DCHS2: variants seen among roughly 807,000 people sequenced by gnomAD.
The protein encoded by DCHS2 is dachsous cadherin-related 2, also known as protocadherin-23.
In DCHS2, 142 loss-of-function variants were observed where a neutral mutation model predicts 182.4. That is an observed-to-expected ratio of 0.78 (90% CI 0.68 to 0.89). DCHS2 has a LOEUF of 0.89. Ranked by LOEUF, DCHS2 falls within the 40% of genes least tolerant of loss-of-function variation. The pLI is 0.00. For synonymous variants in DCHS2, 1,740 were observed against 1,663.3 expected (o/e 1.05, Z -1.12); for missense variants, 4,319 against 4,198.6 (o/e 1.03, Z -0.79).
In DCHS2 at chr4:154,235,887, G is replaced by A. The variant is rs772019908; in HGVS notation, c.8765C>T (p.Ser2922Leu). The A allele has an allele frequency of 6.2e-7, 1 of 1,614,052 alleles. No individual in the cohort carries two copies. The stretch of plus-strand genomic sequence containing the variant: ...TTTATTTACTGAAAAGAAAGGAGAT[G>A]AGGTTCCAAGGGAGTAAAGAATGAC... The part of the protein sequence containing the change: ...DGVILYSLGT[S>L]SPFFSVNKTN... Residue 2922 changes from serine to leucine, a missense_variant, in exon 20 of 20, where the codon TCA becomes TTA. Coordinates refer to ENST00000357232, the MANE Select transcript of DCHS2 (RefSeq NM_001358235.2).
intron 13 of DCHS2, 91 bp from the exon 14 acceptor site, chr4:154,270,104 A>G: frequency 7.0e-7 from 1 of 1,436,726 alleles, no homozygotes; most frequent in Non-Finnish European, 9.3e-7. Flanking sequence ...TTATTTGCCT[A>G]CTATGTTTTC....
chr4:154,334,782 A>T, intron 4 of DCHS2, 86 bp downstream of exon 4: 1 of 1,123,590 alleles, frequency 8.9e-7, no homozygotes, highest in South Asian at 1.4e-5. Flanking sequence ...AAGAAGAAAA[A>T]AATTATTCAA....
At chr4:154,401,429 A>G (rs1263559260) in intron 1 of DCHS2, among the ~76,000 whole-genome samples, 1 of 152,182 alleles carries the variant, frequency 6.6e-6, no homozygotes, top group Admixed American at 6.5e-5. Flanking sequence ...TCTAACTGCT[A>G]CAGAAACTAC....
intron 15 of DCHS2, 83 bp downstream of exon 15, chr4:154,259,462 T>A (rs1376808503): frequency 1.3e-6 from 2 of 1,549,346 alleles, no homozygotes; most frequent in Admixed American, 3.5e-5. Context: ...GTACATTGAC[T>A]TGTAATAATT....
In DCHS2 at chr4:154,235,751, G is replaced by C. The variant is rs539466761; in HGVS notation, c.8901C>G (p.Ser2967=). The C allele has an allele frequency of 1.2e-6, 2 of 1,614,050 alleles. No individual in the cohort carries two copies. The highest frequency in any genetic ancestry group is 2.7e-5 in the African/African-American group (2 of 75,048). The change falls in exon 20 of 20, where the codon TCC becomes TCG. Residue 2967 remains serine (S), a synonymous_variant. Coordinates refer to ENST00000357232, the MANE Select transcript of DCHS2 (RefSeq NM_001358235.2). ...CAAAAACAGTGCAAGATGCAAACTT[G>C]GAATCTGATTTGGGACTATGAGCGA... ...KIIAHSPKSD[S]KFASCTVFVN...
At position 154,362,737 on chromosome 4, in the gene DCHS2, C is replaced by T. The variant is rs183313123; in HGVS notation, c.2476+3473G>A. ...CACCCACGAGACCGAAAGACCAACC[C>T]TTCTCCTTCCTCTTCCTCCTCGGCC... On this transcript the variant is annotated intron_variant, in intron 3 of 19. Transcript: ENST00000357232. Among the ~76,000 whole-genome samples the T allele has an allele frequency of 3.0e-3, 450 of 152,264 alleles. 1 individual carries two copies. Among genetic ancestry groups the T allele is most frequent in the African/African-American group, 0.01 (427 of 41,570 alleles).
intron 1 of DCHS2, among the ~76,000 whole-genome samples, chr4:154,378,413 G>A (rs182520679): frequency 1.5e-4 from 22 of 148,310 alleles, no homozygotes; most frequent in African/African-American, 4.9e-4. Context: ...GCACTTTAAG[G>A]GAAGACAGAA....
intron 1 of DCHS2, among the ~76,000 whole-genome samples, chr4:154,479,308 T>C (rs1735820508): frequency 6.6e-6 from 1 of 151,202 alleles, no homozygotes; most frequent in Non-Finnish European, 1.5e-5. Context: ...ATGAACAGAG[T>C]CTCAAGGCCT....
At chr4:154,412,480 T>C (rs1407620762) in intron 1 of DCHS2, among the ~76,000 whole-genome samples, 1 of 152,084 alleles carries the variant, frequency 6.6e-6, no homozygotes, top group East Asian at 1.9e-4. Flanking sequence ...AGGATATCAC[T>C]CTGGACCCAA....
rs72723314 is a variant in DCHS2 at position 154,300,572 on chromosome 4, C to T, written c.5606-1864G>A. Among the ~76,000 whole-genome samples the T allele has an allele frequency of 8.6e-3, 1,298 of 151,616 alleles. 11 individuals are homozygous for T. Among genetic ancestry groups the T allele is most frequent in the Non-Finnish European group, 0.013 (850 of 67,908 alleles). On this transcript the variant is annotated intron_variant, in intron 12 of 19. Transcript: ENST00000357232. ...CATGGTGACATGTGCCTGTATTCCCCGCTGCTCAGGAGGCTGGGGTGGGAG... is the reference window on the plus strand; with the variant it reads ...CATGGTGACATGTGCCTGTATTCCCTGCTGCTCAGGAGGCTGGGGTGGGAG...
At chr4:154,345,805 CA>C (rs1729334527) in intron 3 of DCHS2, among the ~76,000 whole-genome samples, 1 of 152,160 alleles carries the variant, frequency 6.6e-6, no homozygotes, top group East Asian at 1.9e-4. Flanking sequence ...AACAAATAAA[CA>C]AACCAACCTG....
At chr4:154,303,383 G>A (rs966833632) in intron 12 of DCHS2, among the ~76,000 whole-genome samples, 17 of 151,316 alleles carry the variant, frequency 1.1e-4, no homozygotes, top group Admixed American at 5.3e-4. Context: ...AGGATATGCT[G>A]GGAAACACAC....
chr4:154,345,448 A>T (rs1729313149), intron 3 of DCHS2, among the ~76,000 whole-genome samples: 2 of 152,226 alleles, frequency 1.3e-5, no homozygotes, highest in South Asian at 4.1e-4. Context: ...AATAATCACT[A>T]TGGCTTGAAG....
intron 1 of DCHS2, among the ~76,000 whole-genome samples, chr4:154,481,967 A>G (rs1175698431): frequency 6.6e-6 from 1 of 152,358 alleles, no homozygotes; most frequent in East Asian, 1.9e-4. Flanking sequence ...ACACTTCATC[A>G]GTGGACTCTG....
chr4:154,490,634 G>A lies in DCHS2; in HGVS notation c.722C>T (p.Ser241Leu). 6.4e-7 allele frequency: 1 copy of A among 1,550,824 alleles called. No individual in the cohort carries two copies. Reference sequence around the variant, plus strand: ...CACCAGATCTAGAGGCTCCAGGGGTGACGAGGAGCCTGGCAAAAGCGGTGA... The same window carrying A: ...CACCAGATCTAGAGGCTCCAGGGGTAACGAGGAGCCTGGCAAAAGCGGTGA... ...LPSPLLPGSS[S>L]PLEPLDLVLL... Residue 241 changes from serine (S) to leucine (L), a missense_variant, in exon 1 of 20, where the codon TCA becomes TTA. Physicochemically the swap from Ser to Leu is moderately radical, Grantham distance 145. Coordinates refer to ENST00000357232, the MANE Select transcript of DCHS2 (RefSeq NM_001358235.2).
At chr4:154,407,220 T>C (rs1732437160) in intron 1 of DCHS2, among the ~76,000 whole-genome samples, 2 of 152,208 alleles carry the variant, frequency 1.3e-5, no homozygotes, top group Non-Finnish European at 2.9e-5. Flanking sequence ...ATCATGGGGA[T>C]TTTCTTACTT....
At chr4:154,323,358 C>G (rs1349722134) in intron 7 of DCHS2, 1 of 1,536,280 alleles carries the variant, frequency 6.5e-7, no homozygotes, top group Admixed American at 2.0e-5. Context: ...AAGATGAAGT[C>G]TCTTTCTGTT....
chr4:154,476,754 T>C (rs570002440), intron 1 of DCHS2, among the ~76,000 whole-genome samples: 15 of 152,352 alleles, frequency 9.8e-5, no homozygotes, highest in African/African-American at 3.4e-4. Flanking sequence ...CTGTGAGGAA[T>C]GCTGCAGAAC....
chr4:154,447,634 C>T (rs1734357865), intron 1 of DCHS2, among the ~76,000 whole-genome samples: 1 of 152,094 alleles, frequency 6.6e-6, no homozygotes, highest in Non-Finnish European at 1.5e-5. Context: ...GAGGAAAAAT[C>T]ACCTGGAAAC....
Sources: allele counts gnomAD v4.1 joint callset (sites outside exome capture counted in the v4.1 genomes callset), GRCh38; gene constraint gnomAD v4.1.1; transcripts MANE v1.5; gene names NCBI Gene and HGNC (gene_info 2026-07-23, HGNC 2026-07-21).